Variants in CLASP2 observed in about 807,000 individuals in gnomAD.
CLASP2 encodes the protein cytoplasmic linker associated protein 2.
In CLASP2, 47 loss-of-function variants were observed where a neutral mutation model predicts 194.4. The ratio of observed to expected loss-of-function variants is 0.24; its 90% CI spans 0.19 to 0.31. The LOEUF (loss-of-function observed/expected upper bound fraction) is 0.31. Ranked by LOEUF, CLASP2 falls within the 10% of genes least tolerant of loss-of-function variation. The pLI, the probability that CLASP2 is intolerant of heterozygous loss-of-function variation, is 1.00. For missense variants in CLASP2, 1,445 were observed against 1,823.6 expected (o/e 0.79, Z 3.78); for synonymous variants, 619 against 633.5 (o/e 0.98, Z 0.34).
At chr3:33,573,433 G>T in intron 24 of CLASP2, 79 bp from the exon 25 acceptor site, 1 of 1,430,376 alleles carries the variant, frequency 7.0e-7, no homozygotes, top group East Asian at 2.3e-5. Flanking sequence ...ACCACAAAAG[G>T]ATTGATTTTT....
intron 34 of CLASP2, among the ~76,000 whole-genome samples, chr3:33,521,864 G>A: frequency 6.8e-6 from 1 of 147,352 alleles, no homozygotes; most frequent in Non-Finnish European, 1.5e-5. Context: ...TCTCAGTACA[G>A]TAGCAACTAC....
chr3:33,539,666 C>T (rs926801134), intron 32 of CLASP2, among the ~76,000 whole-genome samples: 1 of 151,948 alleles, frequency 6.6e-6, no homozygotes, highest in African/African-American at 2.4e-5. Flanking sequence ...CATAGTCGTG[C>T]CTATTTATTT....
At chr3:33,651,382 CAA>C (rs11317189) in intron 7 of CLASP2, among the ~76,000 whole-genome samples, 6,515 of 90,270 alleles carry the variant, frequency 0.072, 360 homozygotes, top group African/African-American at 0.21. Flanking sequence ...GATCCTGTCT[CAA>C]AAAAAAAAAA....
chr3:33,703,600 G>A (rs2092510557), intron 1 of CLASP2, among the ~76,000 whole-genome samples: 1 of 152,196 alleles, frequency 6.6e-6, no homozygotes, highest in Non-Finnish European at 1.5e-5. Flanking sequence ...TTGGTATTTA[G>A]CCAAAGGAGT....
chr3:33,570,704 T>C, intron 26 of CLASP2, 23 bp downstream of exon 26: 4 of 1,583,772 alleles, frequency 2.5e-6, no homozygotes, highest in Non-Finnish European at 8.6e-7. Flanking sequence ...TAGAAATAAA[T>C]AATCTTAAAT....
chr3:33,625,363 AACAC>A (rs779554126), intron 10 of CLASP2, among the ~76,000 whole-genome samples: 27 of 150,244 alleles, frequency 1.8e-4, no homozygotes, highest in Admixed American at 9.3e-4. Flanking sequence ...AGATTCCTAT[AACAC>A]ACACACACAC....
chr3:33,612,212 C>T (rs770661023), intron 12 of CLASP2, 141 bp from the exon 13 acceptor site: 2 of 612,622 alleles, frequency 3.3e-6, no homozygotes, highest in South Asian at 4.4e-5. Flanking sequence ...AAATTAAGAC[C>T]AGTCTTGAAA....
At chr3:33,526,305 A>G (rs1337383881) in intron 34 of CLASP2, among the ~76,000 whole-genome samples, 1 of 152,168 alleles carries the variant, frequency 6.6e-6, no homozygotes, top group African/African-American at 2.4e-5. Context: ...AAGCAAATGT[A>G]AAACAAAAAA....
At chr3:33,688,626 C>A (rs1227482841) in intron 3 of CLASP2, among the ~76,000 whole-genome samples, 3 of 152,114 alleles carry the variant, frequency 2.0e-5, no homozygotes, top group Non-Finnish European at 4.4e-5. Context: ...AGAACCATGT[C>A]CAACAACTGA....
chr3:33,662,754 A>AGG lies in CLASP2; in HGVS notation c.715+690_715+691insCC, dbSNP rs1261912338. On this transcript the variant is annotated intron_variant, in intron 7 of 38. Coordinates refer to ENST00000682230, the MANE Select transcript of CLASP2 (RefSeq NM_001365631.1). ...ACTTTACTAGGTGGAAAAGCAACCT[A>AGG]TATTATCTTTGGAAATAGAATATAT... Among the ~76,000 whole-genome samples, 4 of 152,314 alleles carry AGG rather than the reference A, an allele frequency of 2.6e-5. No homozygotes were observed. In the East Asian group the frequency reaches 7.7e-4, roughly 29 times the overall value.
intron 20 of CLASP2, among the ~76,000 whole-genome samples, chr3:33,593,579 C>T (rs1374816513): frequency 6.6e-6 from 1 of 151,804 alleles, no homozygotes; most frequent in Non-Finnish European, 1.5e-5. Flanking sequence ...GAATCAAAAC[C>T]AGAAGTTTAA....
At chr3:33,518,234 C>G (rs1272278239) in intron 34 of CLASP2, among the ~76,000 whole-genome samples, 1 of 152,130 alleles carries the variant, frequency 6.6e-6, no homozygotes, top group African/African-American at 2.4e-5. Flanking sequence ...TTTTTAAAAG[C>G]ATAATTACAA....
chr3:33,640,400 G>T (rs2081059666), intron 8 of CLASP2, among the ~76,000 whole-genome samples: 2 of 152,084 alleles, frequency 1.3e-5, no homozygotes, highest in South Asian at 4.1e-4. Flanking sequence ...ATATCATAAA[G>T]ATTAGTAAGT....
At chr3:33,684,321 T>C (rs745739726) in intron 6 of CLASP2, 38 bp downstream of exon 6, 1 of 1,069,748 alleles carries the variant, frequency 9.3e-7, no homozygotes, top group South Asian at 1.5e-5. Context: ...AAACTAGTGG[T>C]GAAAAAAAAA....
chr3:33,643,312 G>C (rs1482110948), intron 8 of CLASP2, among the ~76,000 whole-genome samples: 1 of 151,670 alleles, frequency 6.6e-6, no homozygotes, highest in African/African-American at 2.4e-5. Flanking sequence ...TAATATCATA[G>C]ATTAGAATTC....
chr3:33,644,839 G>A lies in CLASP2; in HGVS notation c.780C>T (p.Phe260=). 1.9e-6 allele frequency: 3 copies of A among 1,611,588 alleles called. No homozygotes were observed. Among genetic ancestry groups the A allele is most frequent in the Non-Finnish European group, 2.5e-6 (3 of 1,178,796 alleles). The change falls in exon 8 of 39, where the codon TTC becomes TTT. Residue 260 remains phenylalanine, a synonymous_variant. Transcript: ENST00000682230. Reference sequence around the variant, plus strand: ...CGGATGTTTTAGGTGCAGGAACCTTGAAGGCTGATGCAGCTGATGATGGCC... The same window carrying A: ...CGGATGTTTTAGGTGCAGGAACCTTAAAGGCTGATGCAGCTGATGATGGCC... The part of the protein sequence containing the change: ...GNRPSSAASA[F]KVPAPKTSGN...
chr3:33,621,815 TTAG>T (rs2077159327), intron 11 of CLASP2, among the ~76,000 whole-genome samples: 1 of 152,168 alleles, frequency 6.6e-6, no homozygotes, highest in Admixed American at 6.5e-5. Flanking sequence ...AATACCCAAA[TTAG>T]TAGTGAGAAA....
rs576420802 is a variant in CLASP2 at position 33,577,292 on chromosome 3, A to G, written c.2348-1017T>C. 8.3e-6 allele frequency: 13 copies of G among 1,570,900 alleles called. No homozygotes were observed. The East Asian group carries it at 2.9e-4, about 35-fold the overall frequency. The stretch of plus-strand genomic sequence containing the variant: ...GGAATAACAGGACCATACAAACCTC[A>G]TCTATTACCACAGAAACAAGGAATA... On this transcript the variant is annotated intron_variant, in intron 23 of 38. Transcript: ENST00000682230.
At chr3:33,548,760 TTTC>T (rs2059548893) in intron 30 of CLASP2, among the ~76,000 whole-genome samples, 1 of 148,410 alleles carries the variant, frequency 6.7e-6, no homozygotes, top group Non-Finnish European at 1.5e-5. Flanking sequence ...TACGGTTTCA[TTTC>T]TTTTTTTTTT....
Sources: allele counts gnomAD v4.1 joint callset (sites outside exome capture counted in the v4.1 genomes callset), GRCh38; gene constraint gnomAD v4.1.1; transcripts MANE v1.5; gene names NCBI Gene and HGNC (gene_info 2026-07-23, HGNC 2026-07-21).